RAB3GAP2: variants seen among roughly 807,000 people sequenced by gnomAD.
RAB3GAP2 encodes the protein rab3 GTPase-activating protein non-catalytic subunit.
In RAB3GAP2, 87 loss-of-function variants were observed where a neutral mutation model predicts 185.3. The ratio of observed to expected loss-of-function variants is 0.47; its 90% CI spans 0.39 to 0.56. The LOEUF is 0.56. RAB3GAP2 is among the 20% of genes least tolerant of loss of function. The pLI, the probability that RAB3GAP2 is intolerant of heterozygous loss-of-function variation, is 0.00. For missense variants in RAB3GAP2, 1,492 were observed against 1,638.2 expected (o/e 0.91, Z 1.54); for synonymous variants, 554 against 576.1 (o/e 0.96, Z 0.55).
intron 22 of RAB3GAP2, 150 bp downstream of exon 22, chr1:220,172,487 A>G: frequency 1.6e-6 from 1 of 631,452 alleles, no homozygotes; most frequent in Non-Finnish European, 2.8e-6. Flanking sequence ...ATGCATTAAG[A>G]GTATTCTATT....
chr1:220,176,355 G>A (rs1658288568), intron 21 of RAB3GAP2, among the ~76,000 whole-genome samples: 1 of 152,030 alleles, frequency 6.6e-6, no homozygotes, highest in Non-Finnish European at 1.5e-5. Flanking sequence ...CACCAAGATG[G>A]CGGAATAGAA....
chr1:220,153,959 A>G lies in RAB3GAP2; in HGVS notation c.3645+9T>C. The G allele has an allele frequency of 1.2e-6, 2 of 1,613,162 alleles. No individual in the cohort carries two copies. Among genetic ancestry groups the G allele is most frequent in the Non-Finnish European group, 1.7e-6 (2 of 1,179,634 alleles). On this transcript the variant is annotated intron_variant, in intron 32 of 34. Transcript: ENST00000358951. ...GAAACAAAAACAAAATCCAATAGCTATAATTTACCTGTTGTCGTACAGAAA... is the reference window on the plus strand; with the variant it reads ...GAAACAAAAACAAAATCCAATAGCTGTAATTTACCTGTTGTCGTACAGAAA...
intron 9 of RAB3GAP2, among the ~76,000 whole-genome samples, chr1:220,199,323 G>T (rs183455565): frequency 9.9e-5 from 15 of 150,768 alleles, no homozygotes; most frequent in African/African-American, 3.6e-4. Flanking sequence ...GGAGATACTG[G>T]GAATCTATTT....
chr1:220,267,550 A>T, intron 1 of RAB3GAP2: 1 of 1,333,870 alleles, frequency 7.5e-7, no homozygotes, highest in Non-Finnish European at 1.1e-6. Flanking sequence ...CCTCTTTTTG[A>T]TTCTTCATTT....
At chr1:220,171,808 C>T (rs972033080) in intron 23 of RAB3GAP2, 81 bp downstream of exon 23, 4 of 1,569,420 alleles carry the variant, frequency 2.5e-6, no homozygotes, top group Non-Finnish European at 3.5e-6. Flanking sequence ...CAAAAAACCC[C>T]CCGAAAAACC....
intron 24 of RAB3GAP2, among the ~76,000 whole-genome samples, chr1:220,168,357 G>GCTA (rs1348857786): frequency 6.6e-6 from 1 of 151,724 alleles, no homozygotes; most frequent in Admixed American, 6.6e-5. Flanking sequence ...CCCCCAAAGT[G>GCTA]CTAGGATTAC....
intron 1 of RAB3GAP2, among the ~76,000 whole-genome samples, chr1:220,261,899 G>T (rs1338426241): frequency 6.6e-6 from 1 of 152,048 alleles, no homozygotes; most frequent in South Asian, 2.1e-4. Context: ...GGAACTACTG[G>T]AACTTATGTC....
chr1:220,229,290 G>A (rs1048712012), intron 2 of RAB3GAP2, among the ~76,000 whole-genome samples: 3 of 152,206 alleles, frequency 2.0e-5, no homozygotes, highest in African/African-American at 7.2e-5. Context: ...AAAAATACAA[G>A]GAAAACTAAC....
intron 1 of RAB3GAP2, among the ~76,000 whole-genome samples, chr1:220,261,455 A>G (rs770578677): frequency 2.6e-5 from 4 of 152,240 alleles, no homozygotes; most frequent in Non-Finnish European, 5.9e-5. Context: ...GGAATACTGC[A>G]ATAGCCTCCT....
chr1:220,157,754 A>T (rs371438593), intron 30 of RAB3GAP2, 48 bp downstream of exon 30: 4 of 1,443,008 alleles, frequency 2.8e-6, no homozygotes, highest in Admixed American at 1.7e-5. Context: ...TTTGCAGAAT[A>T]TGTAATATCT....
intron 1 of RAB3GAP2, among the ~76,000 whole-genome samples, chr1:220,245,352 T>C (rs1420337276): frequency 1.1e-4 from 17 of 152,290 alleles, no homozygotes; most frequent in Middle Eastern, 3.4e-3. Flanking sequence ...ATTGCCTCAC[T>C]TGGGAAGCGC....
At chr1:220,183,843 A>C (rs544094657) in intron 19 of RAB3GAP2, among the ~76,000 whole-genome samples, 193 bp downstream of exon 19, 3 of 152,276 alleles carry the variant, frequency 2.0e-5, no homozygotes, top group Non-Finnish European at 2.9e-5. Context: ...TTATGCCTAT[A>C]ATCTCAGCAC....
intron 2 of RAB3GAP2, among the ~76,000 whole-genome samples, chr1:220,228,446 G>A (rs1418349651): frequency 6.6e-6 from 1 of 152,150 alleles, no homozygotes; most frequent in Admixed American, 6.5e-5. Context: ...TCATAATAGT[G>A]CTATATATGG....
intron 2 of RAB3GAP2, among the ~76,000 whole-genome samples, chr1:220,224,092 C>T (rs183418538): frequency 6.6e-6 from 1 of 151,568 alleles, no homozygotes; most frequent in Admixed American, 6.6e-5. Flanking sequence ...ATTTATTGAG[C>T]ACTTACTATG....
At chr1:220,216,972 GT>G (rs1424332534) in intron 2 of RAB3GAP2, among the ~76,000 whole-genome samples, 1 of 151,718 alleles carries the variant, frequency 6.6e-6, no homozygotes, top group East Asian at 1.9e-4. Flanking sequence ...TAGATCTGAT[GT>G]TTATGTGCAC....
In RAB3GAP2 at chr1:220,171,093, A is replaced by G. The variant is rs765501224; in HGVS notation, c.2605T>C (p.Ser869Pro). Residue 869 changes from serine to proline, a missense_variant, in exon 24 of 35, where the codon TCA becomes CCA. Ser to Pro is a moderately conservative substitution (Grantham distance 74). This residue lies in a region of RAB3GAP2 where 681 missense variants were observed against 689.1 expected (regional missense o/e 0.99). Coordinates refer to ENST00000358951, the MANE Select transcript of RAB3GAP2 (RefSeq NM_012414.4). ...KFSQTVLGAD[S>P]EALTDSWEAL... is the part of the protein sequence containing the mutation. ...TCCCAGGAATCAGTGAGGGCCTCTG[A>G]ATCAGCACCCAAAACTGTTTGGGAA... is the stretch of plus-strand genomic sequence containing the variant. 4.3e-6 allele frequency: 7 copies of G among 1,614,062 alleles called. No homozygotes were observed. The highest frequency in any genetic ancestry group is 5.9e-6 in the Non-Finnish European group (7 of 1,180,004).
intron 1 of RAB3GAP2, among the ~76,000 whole-genome samples, chr1:220,249,079 G>A (rs1227329752): frequency 1.3e-5 from 2 of 152,172 alleles, no homozygotes; most frequent in Non-Finnish European, 2.9e-5. Flanking sequence ...GTGGGGTGCT[G>A]CCATAAGGAT....
chr1:220,213,730 G>GT (rs370682557), intron 3 of RAB3GAP2, 126 bp downstream of exon 3: 85,169 of 851,372 alleles, frequency 0.1, 6,424 homozygotes, highest in South Asian at 0.14. Flanking sequence ...CGGAGGAGGA[G>GT]TTGGGGGGGG....
chr1:220,232,401 T>C (rs975546205), intron 2 of RAB3GAP2, among the ~76,000 whole-genome samples: 6 of 152,112 alleles, frequency 3.9e-5, no homozygotes, highest in African/African-American at 1.4e-4. Flanking sequence ...AAGAGGAGTA[T>C]TGGCCCATGT....
Sources: gnomAD v4.1 joint callset for allele counts (sites outside exome capture counted in the v4.1 genomes callset) on GRCh38, gnomAD v4.1.1 for gene constraint, gnomAD v4.1.1 regional missense constraint, MANE v1.5 for transcripts, NCBI Gene and HGNC (gene_info 2026-07-23, HGNC 2026-07-21) for gene names.